Variants in PRKAR1A observed in about 807,000 individuals in gnomAD.
PRKAR1A encodes the protein cAMP-dependent protein kinase type I-alpha regulatory subunit.
PRKAR1A carries 3 observed loss-of-function variants against 52.0 expected under a neutral mutation model. The observed-to-expected ratio is 0.06, with a 90% CI of 0.03 to 0.15. The LOEUF (loss-of-function observed/expected upper bound fraction) is 0.15, where lower values mean the gene tolerates loss of function less well. Among genes scored for constraint, PRKAR1A ranks in the 10% least tolerant of loss-of-function variants. PRKAR1A has a pLI of 1.00. For synonymous variants in PRKAR1A, 188 were observed against 168.4 expected, an observed-to-expected ratio of 1.12 and a Z score of -0.90; for missense variants, 240 against 477.4, an observed-to-expected ratio of 0.50 and a Z score of 4.63.
the PRKAR1A span, among the ~76,000 whole-genome samples, chr17:68,498,892 C>T: frequency 6.6e-6 from 1 of 152,220 alleles, no homozygotes; most frequent in East Asian, 1.9e-4. Flanking sequence ...CTGTAGCTCT[C>T]AGGTGGAAGT....
At chr17:68,543,562 G>T in intron 11 of PRKAR1A, 1 of 1,426,102 alleles carries the variant, frequency 7.0e-7, no homozygotes, top group Non-Finnish European at 9.9e-7. Context: ...TTGAGGGTCT[G>T]TCTAGCCACC....
At chr17:68,450,806 C>CA in the PRKAR1A span, 1 of 1,614,066 alleles carries the variant, frequency 6.2e-7, no homozygotes. Flanking sequence ...TGAAGTGATA[C>CA]ACGTTCATCT....
At chr17:68,542,098 G>A (rs2302234) in intron 11 of PRKAR1A, 1 of 1,613,718 alleles carries the variant, frequency 6.2e-7, no homozygotes, top group South Asian at 1.1e-5. Flanking sequence ...GCAGGTGTGG[G>A]TTGCCACAGA....
intron 11 of PRKAR1A, among the ~76,000 whole-genome samples, chr17:68,547,573 T>C (rs2086628098): frequency 6.6e-6 from 1 of 152,242 alleles, no homozygotes; most frequent in Non-Finnish European, 1.5e-5. Flanking sequence ...GTTATGGAGA[T>C]GGCTTTTTTC....
At chr17:68,426,247 A>AGGGGGGGGGG in the PRKAR1A span, 2 of 655,810 alleles carry the variant, frequency 3.0e-6, no homozygotes, top group Non-Finnish European at 2.3e-6. Flanking sequence ...GCGGGTGGGG[A>AGGGGGGGGGG]GCGGGGGCTC....
chr17:68,435,417 G>A, the PRKAR1A span, among the ~76,000 whole-genome samples: 2 of 152,150 alleles, frequency 1.3e-5, no homozygotes, highest in Non-Finnish European at 1.5e-5. Flanking sequence ...CTTGCATATT[G>A]CAGGCCCCTG....
chr17:68,426,038 A>T, the PRKAR1A span: 7 of 1,579,984 alleles, frequency 4.4e-6, no homozygotes, highest in Non-Finnish European at 6.1e-6. Context: ...CTAAGCACAC[A>T]GACTGAGCCG....
At chr17:68,501,856 C>A in the PRKAR1A span, among the ~76,000 whole-genome samples, 6 of 152,160 alleles carry the variant, frequency 3.9e-5, no homozygotes, top group Admixed American at 3.9e-4. Context: ...AAAATGGAAC[C>A]CTTGCTGCTT....
At chr17:68,486,403 TC>T in the PRKAR1A span, among the ~76,000 whole-genome samples, 6 of 149,664 alleles carry the variant, frequency 4.0e-5, no homozygotes, top group Non-Finnish European at 5.9e-5. Flanking sequence ...TTTCTTTCTT[TC>T]TTTCTTTCTT....
downstream of PRKAR1A, chr17:68,536,062 A>G (rs1055058134): frequency 1.1e-4 from 50 of 453,972 alleles, no homozygotes; most frequent in East Asian, 3.5e-3. Flanking sequence ...ATCTCAGTGA[A>G]TGGTAGTGAT....
chr17:68,503,542 A>C, the PRKAR1A span, among the ~76,000 whole-genome samples: 57,240 of 150,882 alleles, frequency 0.38, 11,546 homozygotes, highest in East Asian at 0.66. Flanking sequence ...CAAAAAGACA[A>C]GGAGGAATCT....
At chr17:68,420,290 G>C in the PRKAR1A span, 1 of 1,614,030 alleles carries the variant, frequency 6.2e-7, no homozygotes, top group Non-Finnish European at 8.5e-7. Flanking sequence ...TGTGCCCCTA[G>C]AAAGAGGTGG....
the PRKAR1A span, among the ~76,000 whole-genome samples, chr17:68,471,361 G>T: frequency 1.3e-5 from 2 of 152,094 alleles, no homozygotes; most frequent in African/African-American, 4.8e-5. Context: ...ACTGGTAACT[G>T]GTTGCTTTTG....
At chr17:68,538,962 A>G (rs1274196851) in intron 11 of PRKAR1A, among the ~76,000 whole-genome samples, 2 of 152,210 alleles carry the variant, frequency 1.3e-5, no homozygotes, top group Non-Finnish European at 2.9e-5. Context: ...AACATCAGAG[A>G]GTGTACTCAC....
At chr17:68,486,498 C>CT in the PRKAR1A span, among the ~76,000 whole-genome samples, 6 of 40,266 alleles carry the variant, frequency 1.5e-4, no homozygotes, top group East Asian at 9.4e-4. Context: ...TCCTTCCTTC[C>CT]TTCCTTCCTT....
the PRKAR1A span, chr17:68,413,789 G>A: frequency 8.2e-3 from 1,303 of 158,642 alleles, 10 homozygotes; most frequent in Middle Eastern, 0.023. Context: ...AGGACCCTCC[G>A]AGCCAGGTAA....
chr17:68,528,361 C>T (rs1242059789), intron 8 of PRKAR1A, among the ~76,000 whole-genome samples: 2 of 152,130 alleles, frequency 1.3e-5, no homozygotes, highest in Non-Finnish European at 2.9e-5. Context: ...TTTTTCACCT[C>T]TTCTTTGTCT....
At chr17:68,435,279 T>C in the PRKAR1A span, among the ~76,000 whole-genome samples, 1 of 152,054 alleles carries the variant, frequency 6.6e-6, no homozygotes, top group Non-Finnish European at 1.5e-5. Flanking sequence ...TTTCTCTAAA[T>C]AGCAAAGTAA....
the PRKAR1A span, among the ~76,000 whole-genome samples, chr17:68,501,717 TA>T: frequency 4.5e-4 from 69 of 152,250 alleles, no homozygotes; most frequent in Middle Eastern, 6.8e-3. Flanking sequence ...CTCAGCTTCC[TA>T]AAGTGCTGGG....
Sources: gnomAD v4.1 joint callset for allele counts (sites outside exome capture counted in the v4.1 genomes callset) on GRCh38, gnomAD v4.1.1 for gene constraint, MANE v1.5 for transcripts, NCBI Gene and HGNC (gene_info 2026-07-23, HGNC 2026-07-21) for gene names.